Variants in DNAH7 observed in about 807,000 individuals in gnomAD.
The protein encoded by DNAH7 is dynein axonemal heavy chain 7, also known as axonemal beta dynein heavy chain 7.
Under a neutral mutation model 444.6 loss-of-function variants are expected in DNAH7, and 397 were observed. The ratio of observed to expected loss-of-function variants is 0.89; its 90% CI spans 0.82 to 0.97. The LOEUF (loss-of-function observed/expected upper bound fraction) is 0.97. Among genes scored for constraint, DNAH7 ranks in the 50% least tolerant of loss-of-function variants. The pLI, the probability that DNAH7 is intolerant of heterozygous loss-of-function variation, is 0.00. For synonymous variants in DNAH7, 1,636 were observed against 1,624.4 expected, an observed-to-expected ratio of 1.01 and a Z score of -0.17; for missense variants, 4,902 against 4,800.8, an observed-to-expected ratio of 1.02 and a Z score of -0.62.
intron 19 of DNAH7, among the ~76,000 whole-genome samples, chr2:195,949,936 A>C (rs1690106374): frequency 6.6e-6 from 1 of 152,224 alleles, no homozygotes; most frequent in Non-Finnish European, 1.5e-5. Context: ...CTAGCCTTGC[A>C]TCCCAGGGAT....
At chr2:195,794,790 T>A (rs947519242) in intron 56 of DNAH7, among the ~76,000 whole-genome samples, 2 of 152,188 alleles carry the variant, frequency 1.3e-5, no homozygotes, top group African/African-American at 2.4e-5. Flanking sequence ...TTTACAAAAG[T>A]GCTATATAAT....
chr2:195,740,629 A>G lies in DNAH7; in HGVS notation c.11868+137T>C, dbSNP rs796393367. The G allele has an allele frequency of 9.1e-3, 910 of 99,752 alleles. 16 individuals carry two copies. Among genetic ancestry groups the G allele is most frequent in the East Asian group, 0.053 (224 of 4,226 alleles). 6.2% of individuals were successfully genotyped at this position (99,752 alleles called of 1,614,324 possible). On this transcript the variant is annotated intron_variant, in intron 64 of 64. Transcript: ENST00000312428. ...TGTGTGTGTGTGTATATATATATAT[A>G]TATATATATATATATACATATACAC...
rs190110002 is a variant in DNAH7 at position 195,970,189 on chromosome 2, A to G, written c.2059-95T>C. The stretch of plus-strand genomic sequence containing the variant: ...TGTAGGAGTTATCAGAATTATTATT[A>G]TATTTTGTCACTGGTAAAACATAAA... On this transcript the variant is annotated intron_variant, in intron 16 of 64. Coordinates refer to ENST00000312428, the MANE Select transcript of DNAH7 (RefSeq NM_018897.3). 481 of 1,187,502 alleles carry G rather than the reference A, an allele frequency of 4.1e-4. 1 individual carries two copies. In the African/African-American group the frequency reaches 7.0e-3, roughly 17 times the overall value. 73.6% of individuals were successfully genotyped at this position (1,187,502 alleles called of 1,614,324 possible). A position where few individuals can be genotyped will look rare whatever the true frequency, so the allele number is the denominator to read the frequency against.
intron 9 of DNAH7, among the ~76,000 whole-genome samples, chr2:196,014,682 CT>C (rs1241095894): frequency 1.3e-5 from 2 of 152,132 alleles, no homozygotes; most frequent in African/African-American, 4.8e-5. Context: ...CAAAACTAAT[CT>C]TCTCTCTTCT....
intron 47 of DNAH7, among the ~76,000 whole-genome samples, chr2:195,837,085 C>A (rs949135322): frequency 6.6e-6 from 1 of 152,290 alleles, no homozygotes; most frequent in Admixed American, 6.5e-5. Context: ...AATTCCTTAG[C>A]CGCATCATCC....
At chr2:195,863,972 T>TA (rs1473330261) in intron 41 of DNAH7, among the ~76,000 whole-genome samples, 177 bp downstream of exon 41, 2 of 152,224 alleles carry the variant, frequency 1.3e-5, no homozygotes, top group Non-Finnish European at 2.9e-5. Context: ...ATATTCTTAA[T>TA]AAATACTTTT....
At chr2:196,005,914 AAC>A (rs3052597) in intron 10 of DNAH7, among the ~76,000 whole-genome samples, 49 of 149,690 alleles carry the variant, frequency 3.3e-4, no homozygotes, top group Middle Eastern at 3.4e-3. Context: ...ACAAAGACAT[AAC>A]ACACACACAC....
At chr2:196,063,212 A>G (rs545616570) in intron 1 of DNAH7, 2 of 152,244 alleles carry the variant, frequency 1.3e-5, no homozygotes, top group African/African-American at 4.8e-5. Flanking sequence ...CTTTCCTCCT[A>G]GGATCTACAG....
chr2:195,985,270 G>A (rs1189455549), intron 14 of DNAH7, among the ~76,000 whole-genome samples: 1 of 152,206 alleles, frequency 6.6e-6, no homozygotes, highest in African/African-American at 2.4e-5. Flanking sequence ...CAATTCTTCA[G>A]TAAGATTGGC....
intron 15 of DNAH7, among the ~76,000 whole-genome samples, chr2:195,978,850 G>C (rs909220935): frequency 1.3e-5 from 2 of 152,016 alleles, no homozygotes; most frequent in Non-Finnish European, 2.9e-5. Context: ...TAATGATATA[G>C]GGGCTGATTC....
intron 63 of DNAH7, among the ~76,000 whole-genome samples, chr2:195,745,938 CAACT>C (rs1693373720): frequency 6.6e-6 from 1 of 152,196 alleles, no homozygotes; most frequent in South Asian, 2.1e-4. Context: ...GAAACTGCAT[CAACT>C]AACGAGCAAA....
chr2:196,048,544 C>T lies in DNAH7; in HGVS notation c.142-140G>A. ...GGATAGAAAATACTCAACAGTAGATCTTATTCAAGCCTGTGAATGGTCATG... is the reference window on the plus strand; with the variant it reads ...GGATAGAAAATACTCAACAGTAGATTTTATTCAAGCCTGTGAATGGTCATG... On this transcript the variant is annotated intron_variant, in intron 3 of 64. Coordinates refer to ENST00000312428, the MANE Select transcript of DNAH7 (RefSeq NM_018897.3). 8.8e-6 allele frequency: 6 copies of T among 683,374 alleles called. No individual in the cohort carries two copies. The South Asian group carries it at 1.0e-4, about 11-fold the overall frequency. 42.3% of individuals were successfully genotyped at this position (683,374 alleles called of 1,614,324 possible).
chr2:195,893,608 T>A (rs1010753293), intron 30 of DNAH7: 9 of 152,080 alleles, frequency 5.9e-5, no homozygotes, highest in African/African-American at 2.2e-4. Context: ...GCGATAACAA[T>A]GTATCTTCCT....
At chr2:195,919,047 A>G (rs756589513) in intron 24 of DNAH7, among the ~76,000 whole-genome samples, 4 of 152,012 alleles carry the variant, frequency 2.6e-5, no homozygotes, top group Admixed American at 1.3e-4. Context: ...TCAGGAGATC[A>G]AGACCATCCT....
chr2:195,912,826 A>C lies in DNAH7; in HGVS notation c.3936-2631T>G, dbSNP rs187188157. Among the ~76,000 whole-genome samples the C allele has an allele frequency of 3.3e-5, 5 of 152,330 alleles. No individual in the cohort carries two copies. In the East Asian group the frequency reaches 9.6e-4, roughly 29 times the overall value. ...GCAAAAGATAAGCTATTGAGGGATG[A>C]AACCAAGGACAGGGATAAAAATAGC... On this transcript the variant is annotated intron_variant, in intron 24 of 64. Transcript: ENST00000312428.
intron 60 of DNAH7, among the ~76,000 whole-genome samples, chr2:195,774,600 G>C (rs191844988): frequency 6.6e-6 from 1 of 152,166 alleles, no homozygotes; most frequent in Non-Finnish European, 1.5e-5. Flanking sequence ...GAGCCAGACC[G>C]CTTGGTTTTG....
At chr2:196,036,297 G>T (rs1298861214) in intron 5 of DNAH7, among the ~76,000 whole-genome samples, 1 of 152,080 alleles carries the variant, frequency 6.6e-6, no homozygotes, top group African/African-American at 2.4e-5. Flanking sequence ...GCCTCTCAAA[G>T]TTCTGAGATT....
Position 195,853,411 on chromosome 2 carries a change from T to C in DNAH7, c.8713A>G (p.Thr2905Ala), listed in dbSNP as rs1412782905. Residue 2905 changes from threonine to alanine, a missense_variant, in exon 46 of 65, where the codon ACT (threonine) becomes GCT (alanine). By Grantham distance (58) the Thr-to-Ala change is moderately conservative. Coordinates refer to ENST00000312428, the MANE Select transcript of DNAH7 (RefSeq NM_018897.3). The stretch of plus-strand genomic sequence containing the variant: ...CCGGAGGAAATGAGGATATCCCCAG[T>C]CAAGTTGATGTACAGCTGACCTAGC... ...LELGQLYINL[T>A]GDILISSGVV... is the part of the protein sequence containing the mutation. 5.6e-6 allele frequency: 9 copies of C among 1,614,102 alleles called. No individual in the cohort carries two copies. The Admixed American group carries it at 1.3e-4, about 24-fold the overall frequency.
Position 195,957,301 on chromosome 2 carries a change from A to G in DNAH7, c.3038T>C (p.Val1013Ala), listed in dbSNP as rs767345178. The G allele has an allele frequency of 2.2e-5, 36 of 1,600,642 alleles. No homozygotes were observed. Among genetic ancestry groups the G allele is most frequent in the Non-Finnish European group, 1.7e-5 (20 of 1,170,846 alleles). Residue 1013 changes from valine to alanine, a missense_variant, in exon 19 of 65, where the codon GTG becomes GCG. Transcript: ENST00000312428. Reference protein sequence around the residue: ...MPEEGRRFTAVDKTWRDIMRS... With the variant: ...MPEEGRRFTAADKTWRDIMRS... ...CATTATATCTCTCCATGTCTTATCC[A>G]CAGCTGTAAATCGTCTGCCTTCCTC...
Sources: allele counts gnomAD v4.1 joint callset (sites outside exome capture counted in the v4.1 genomes callset), GRCh38; gene constraint gnomAD v4.1.1; transcripts MANE v1.5; gene names NCBI Gene and HGNC (gene_info 2026-07-23, HGNC 2026-07-21).